Variants in ROCK2 observed in about 807,000 individuals in gnomAD.
ROCK2 encodes rho-associated protein kinase 2.
ROCK2 carries 61 observed loss-of-function variants against 195.1 expected under a neutral mutation model. The ratio of observed to expected loss-of-function variants is 0.31; its 90% CI spans 0.25 to 0.39. ROCK2 has a LOEUF of 0.39. Ranked by LOEUF, ROCK2 falls within the 10% of genes least tolerant of loss-of-function variation. The probability of loss-of-function intolerance (pLI) is 1.00; values close to 1 mark genes in which losing one functional copy is unlikely to be tolerated. For missense variants in ROCK2, 1,109 were observed against 1,637.4 expected, an observed-to-expected ratio of 0.68 and a Z score of 5.57; for synonymous variants, 504 against 545.5, an observed-to-expected ratio of 0.92 and a Z score of 1.06.
intron 32 of ROCK2, chr2:11,184,868 A>G: frequency 1.6e-6 from 1 of 612,628 alleles, no homozygotes; most frequent in Non-Finnish European, 2.0e-6. Context: ...GCTTGTAAGC[A>G]TTTTAATTTT....
intron 4 of ROCK2, among the ~76,000 whole-genome samples, chr2:11,240,102 A>G (rs1021125852): frequency 6.6e-5 from 10 of 152,176 alleles, no homozygotes; most frequent in African/African-American, 2.2e-4. Context: ...GAGTTTCTAT[A>G]AGGGCCCCAT....
rs781161000 is a variant in ROCK2 at position 11,215,631 on chromosome 2, T to C, written c.1476A>G (p.Lys492=). ...ACTGTCTTAATGCTGATTCCACACT[T>C]TTCCGTAAGGTAATCTGAAATAATG... ...KELEEEITLR[K]SVESALRQLE... The change falls in exon 14 of 33, where the codon AAA becomes AAG. Residue 492 remains lysine (K), a synonymous_variant. Coordinates refer to ENST00000315872, the MANE Select transcript of ROCK2 (RefSeq NM_004850.5). The C allele has an allele frequency of 1.2e-6, 2 of 1,605,772 alleles. No individual in the cohort carries two copies. Among genetic ancestry groups the C allele is most frequent in the Non-Finnish European group, 8.5e-7 (1 of 1,177,704 alleles).
chr2:11,266,119 G>C (rs1666405626), intron 3 of ROCK2, among the ~76,000 whole-genome samples: 1 of 152,274 alleles, frequency 6.6e-6, no homozygotes, highest in Middle Eastern at 3.4e-3. Context: ...CCACTAAAAG[G>C]TTTTCAGGCG....
chr2:11,281,085 T>C (rs976091598), intron 3 of ROCK2, among the ~76,000 whole-genome samples: 3 of 151,954 alleles, frequency 2.0e-5, no homozygotes, highest in African/African-American at 4.8e-5. Context: ...TATACAAGAC[T>C]GGTTCAACAT....
chr2:11,223,306 T>C (rs560680666), intron 7 of ROCK2, among the ~76,000 whole-genome samples: 15 of 152,298 alleles, frequency 9.8e-5, no homozygotes, highest in Admixed American at 7.2e-4. Context: ...TTTTACAATG[T>C]TCAGTTTGAC....
intron 1 of ROCK2, among the ~76,000 whole-genome samples, chr2:11,323,409 A>G (rs11894378): frequency 0.017 from 2,660 of 152,284 alleles, 86 homozygotes; most frequent in African/African-American, 0.061. Context: ...TCTAAAAGAC[A>G]CTAAATCTCT....
At chr2:11,267,954 G>C (rs1572336718) in intron 3 of ROCK2, among the ~76,000 whole-genome samples, 1 of 151,636 alleles carries the variant, frequency 6.6e-6, no homozygotes, top group African/African-American at 2.4e-5. Flanking sequence ...GCCCCAATAT[G>C]CCTTTTAAGA....
Position 11,249,684 on chromosome 2 carries a change from C to A in ROCK2, c.439G>T (p.Ala147Ser), listed in dbSNP as rs755583790. 1 of 1,559,076 alleles carries A rather than the reference C, an allele frequency of 6.4e-7. No homozygotes were observed. Among genetic ancestry groups the A allele is most frequent in the Non-Finnish European group, 8.6e-7 (1 of 1,156,526 alleles). ...FWEERDIMAF[A>S]NSPWVVQLFY... The stretch of plus-strand genomic sequence containing the variant: ...ACCTGAACCACCCAGGGGCTATTGG[C>A]AAAGGCCATAATATCTCTTTCTTCC... Residue 147 changes from alanine (A) to serine (S), a missense_variant, in exon 4 of 33, where the codon GCC (alanine) becomes TCC (serine). By Grantham distance (99) the Ala-to-Ser change is moderately conservative. This residue lies in a region of ROCK2 where 253 missense variants were observed against 455.5 expected (regional missense o/e 0.56). Transcript: ENST00000315872.
chr2:11,267,333 G>A (rs1211791771), intron 3 of ROCK2, among the ~76,000 whole-genome samples: 4 of 152,024 alleles, frequency 2.6e-5, no homozygotes, highest in Non-Finnish European at 5.9e-5. Context: ...AAAGACTCAC[G>A]CCTGTGGTCA....
chr2:11,272,963 T>A (rs1273037469), intron 3 of ROCK2, among the ~76,000 whole-genome samples: 1 of 151,398 alleles, frequency 6.6e-6, no homozygotes, highest in Non-Finnish European at 1.5e-5. Flanking sequence ...TTTAGGATGT[T>A]AAATGTAATG....
At chr2:11,218,825 C>T (rs142530958) in intron 10 of ROCK2, 141 bp downstream of exon 10, 280 of 526,258 alleles carry the variant, frequency 5.3e-4, no homozygotes, top group African/African-American at 5.0e-3. Flanking sequence ...CATTGCAATG[C>T]TATGTTAAAC....
intron 20 of ROCK2, among the ~76,000 whole-genome samples, chr2:11,202,982 C>T (rs1663917586): frequency 6.6e-6 from 1 of 152,086 alleles, no homozygotes; most frequent in African/African-American, 2.4e-5. Flanking sequence ...GAGGGGGCTT[C>T]TGGGGAGGCG....
At chr2:11,224,238 CAT>C (rs1572266708) in intron 7 of ROCK2, 82 bp downstream of exon 7, 3 of 1,295,668 alleles carry the variant, frequency 2.3e-6, no homozygotes, top group East Asian at 2.4e-5. Context: ...AGACTGATTT[CAT>C]ATGTTAATAA....
chr2:11,332,275 A>G (rs114937483), intron 1 of ROCK2, among the ~76,000 whole-genome samples: 3,449 of 152,326 alleles, frequency 0.023, 137 homozygotes, highest in African/African-American at 0.078. Flanking sequence ...TAGGCCTTTC[A>G]GGTATAAACA....
intron 1 of ROCK2, among the ~76,000 whole-genome samples, chr2:11,330,941 A>G (rs113113002): frequency 2.9e-3 from 2 of 688 alleles, no homozygotes; most frequent in Non-Finnish European, 2.8e-3. Context: ...GGAGGGAGGA[A>G]GGGGGGAGGG....
intron 1 of ROCK2, among the ~76,000 whole-genome samples, chr2:11,292,582 T>TAACAA (rs891901750): frequency 1.3e-5 from 2 of 152,122 alleles, no homozygotes; most frequent in Admixed American, 6.5e-5. Flanking sequence ...GAATACTAAA[T>TAACAA]AACAAACAAG....
chr2:11,330,622 G>A (rs1668687797), intron 1 of ROCK2, among the ~76,000 whole-genome samples: 1 of 151,752 alleles, frequency 6.6e-6, no homozygotes, highest in Non-Finnish European at 1.5e-5. Flanking sequence ...AGGCTGCAGT[G>A]AGCCGATATC....
intron 1 of ROCK2, among the ~76,000 whole-genome samples, chr2:11,325,496 T>A (rs1171523934): frequency 1.3e-5 from 2 of 152,234 alleles, no homozygotes; most frequent in East Asian, 3.8e-4. Flanking sequence ...TAGGTTTTTT[T>A]AATAACTTGA....
intron 32 of ROCK2, among the ~76,000 whole-genome samples, chr2:11,188,949 T>C (rs1020448827): frequency 4.6e-5 from 7 of 151,596 alleles, no homozygotes; most frequent in Admixed American, 3.3e-4. Flanking sequence ...GGCAGGAGAA[T>C]TGCTTGAACC....
Sources: gnomAD v4.1 joint callset for allele counts (sites outside exome capture counted in the v4.1 genomes callset) on GRCh38, gnomAD v4.1.1 for gene constraint, gnomAD v4.1.1 regional missense constraint, MANE v1.5 for transcripts, NCBI Gene and HGNC (gene_info 2026-07-23, HGNC 2026-07-21) for gene names.